CFAP61: variants seen among roughly 807,000 people sequenced by gnomAD.
CFAP61 encodes the protein cilia- and flagella-associated protein 61.
In CFAP61, 107 loss-of-function variants were observed where a neutral mutation model predicts 135.6. The observed-to-expected ratio is 0.79, with a 90% CI of 0.67 to 0.93. The LOEUF is 0.93. CFAP61 is among the 40% of genes least tolerant of loss of function. The pLI, the probability that CFAP61 is intolerant of heterozygous loss-of-function variation, is 0.00. For missense variants in CFAP61, 1,507 were observed against 1,556.2 expected, an observed-to-expected ratio of 0.97 and a Z score of 0.53; for synonymous variants, 575 against 578.5, an observed-to-expected ratio of 0.99 and a Z score of 0.09.
chr20:20,098,003 T>C (rs1047490299), intron 7 of CFAP61, among the ~76,000 whole-genome samples: 1 of 151,972 alleles, frequency 6.6e-6, no homozygotes, highest in African/African-American at 2.4e-5. Context: ...AGCGCCAGGC[T>C]TATGGTGGGG....
chr20:20,055,311 A>G (rs997960418), intron 1 of CFAP61, among the ~76,000 whole-genome samples: 15 of 152,166 alleles, frequency 9.9e-5, no homozygotes, highest in Non-Finnish European at 1.3e-4. Context: ...TGCCATACCC[A>G]CTTTAGTCTA....
chr20:20,147,555 A>G (rs991751357), intron 9 of CFAP61, among the ~76,000 whole-genome samples: 8 of 152,224 alleles, frequency 5.3e-5, no homozygotes, highest in East Asian at 3.9e-4. Flanking sequence ...AAAAATATCT[A>G]TTCATGCCCT....
chr20:20,062,603 A>G (rs1046268304), intron 2 of CFAP61, among the ~76,000 whole-genome samples: 1 of 152,180 alleles, frequency 6.6e-6, no homozygotes, highest in Non-Finnish European at 1.5e-5. Flanking sequence ...GAAAAAAAAA[A>G]TCTGACAAGA....
chr20:20,313,102 A>G (rs1291450749), intron 25 of CFAP61, among the ~76,000 whole-genome samples: 1 of 152,182 alleles, frequency 6.6e-6, no homozygotes, highest in African/African-American at 2.4e-5. Context: ...TACAGTCTTT[A>G]GAAGGTAATT....
At chr20:20,055,589 C>T (rs1568784409) in intron 1 of CFAP61, among the ~76,000 whole-genome samples, 1 of 152,144 alleles carries the variant, frequency 6.6e-6, no homozygotes, top group African/African-American at 2.4e-5. Flanking sequence ...TTTCTTTCTT[C>T]TTTTCTTGTT....
At chr20:20,323,895 CA>C (rs1379161221) in intron 25 of CFAP61, among the ~76,000 whole-genome samples, 1 of 152,136 alleles carries the variant, frequency 6.6e-6, no homozygotes, top group East Asian at 1.9e-4. Flanking sequence ...AGCTTCTCAG[CA>C]TATTCTGAAC....
chr20:20,233,698 G>T (rs2049346376), intron 18 of CFAP61, among the ~76,000 whole-genome samples: 1 of 152,166 alleles, frequency 6.6e-6, no homozygotes, highest in Admixed American at 6.5e-5. Context: ...TCACAATGGG[G>T]TTTCCTATTC....
At chr20:20,244,407 C>T (rs1370911956) in intron 18 of CFAP61, among the ~76,000 whole-genome samples, 1 of 152,238 alleles carries the variant, frequency 6.6e-6, no homozygotes, top group Non-Finnish European at 1.5e-5. Context: ...TTCTTGACTT[C>T]TGTGTACTCA....
rs749419361 is a variant in CFAP61, at chr20:20,360,391, C to T, written c.3695C>T (p.Ala1232Val). The change falls in exon 27 of 27, where the codon GCG becomes GTG. Residue 1232 changes from alanine to valine, a missense_variant. Transcript: ENST00000245957. ...AACCGCTACCACCTGCCCATGTACG[C>T]GTGGCCAGGCATCGTTTAGTTGTAG... ...HYNRYHLPMY[A>V]WPGIV 2.5e-6 allele frequency: 4 copies of T among 1,613,702 alleles called. No individual in the cohort carries two copies. The highest frequency in any genetic ancestry group is 1.6e-4 in the Middle Eastern group (1 of 6,078).
intron 2 of CFAP61, among the ~76,000 whole-genome samples, chr20:20,067,532 C>T (rs2146557845): frequency 6.6e-6 from 1 of 151,292 alleles, no homozygotes; most frequent in African/African-American, 2.4e-5. Flanking sequence ...GTCGCAGCTA[C>T]TCGGGAGGCT....
chr20:20,193,716 C>T (rs920416121), intron 15 of CFAP61, among the ~76,000 whole-genome samples: 1 of 152,070 alleles, frequency 6.6e-6, no homozygotes, highest in African/African-American at 2.4e-5. Context: ...CGGGTTCAAG[C>T]GATTCTCCTG....
At chr20:20,062,477 G>A (rs1182292700) in intron 2 of CFAP61, among the ~76,000 whole-genome samples, 2 of 151,886 alleles carry the variant, frequency 1.3e-5, no homozygotes, top group South Asian at 2.1e-4. Flanking sequence ...AAGAACAGTC[G>A]AATCAACTCA....
chr20:20,219,864 A>G (rs2048281216), intron 17 of CFAP61, among the ~76,000 whole-genome samples: 1 of 152,190 alleles, frequency 6.6e-6, no homozygotes, highest in Non-Finnish European at 1.5e-5. Flanking sequence ...CTCCTGAAAC[A>G]CTTGTACCTT....
intron 18 of CFAP61, among the ~76,000 whole-genome samples, chr20:20,243,715 G>T (rs1009650652): frequency 6.6e-6 from 1 of 152,060 alleles, no homozygotes; most frequent in Non-Finnish European, 1.5e-5. Context: ...GGGATTACAG[G>T]TATGAGCCAC....
chr20:20,269,327 C>G (rs1325030863), intron 21 of CFAP61, among the ~76,000 whole-genome samples: 2 of 149,482 alleles, frequency 1.3e-5, no homozygotes, highest in African/African-American at 4.9e-5. Context: ...AATATATAAA[C>G]TATAAAATGT....
chr20:20,106,317 A>G (rs2048404146), intron 8 of CFAP61, among the ~76,000 whole-genome samples: 1 of 152,096 alleles, frequency 6.6e-6, no homozygotes, highest in Non-Finnish European at 1.5e-5. Flanking sequence ...CCTGTTGTCA[A>G]TTCTCCATCT....
At chr20:20,326,726 C>G (rs1016175709) in intron 25 of CFAP61, among the ~76,000 whole-genome samples, 1 of 152,136 alleles carries the variant, frequency 6.6e-6, no homozygotes, top group Admixed American at 6.5e-5. Flanking sequence ...TGTTTCTGTA[C>G]TCTTCCATGC....
intron 22 of CFAP61, among the ~76,000 whole-genome samples, chr20:20,278,878 G>C (rs1470698731): frequency 6.6e-6 from 1 of 152,146 alleles, no homozygotes; most frequent in African/African-American, 2.4e-5. Flanking sequence ...TTGAACACCT[G>C]CTAGGTCCCA....
rs776585232 is a variant in CFAP61, at chr20:20,169,324, A to G, written c.1249A>G (p.Lys417Glu). The G allele has an allele frequency of 2.5e-6, 4 of 1,613,314 alleles. No homozygotes were observed. The highest frequency in any genetic ancestry group is 3.4e-6 in the Non-Finnish European group (4 of 1,179,638). ...MNFVFSLFSD[K>E]NFCVISLPHL... ...TCCTGGTTTTTGATGATGTTAGGAT[A>G]AGAACTTCTGTGTAATTTCTCTGCC... The change falls in exon 13 of 27, where the codon AAG becomes GAG. Residue 417 changes from lysine to glutamate, a missense_variant. Transcript: ENST00000245957.
Sources: allele counts gnomAD v4.1 joint callset (sites outside exome capture counted in the v4.1 genomes callset), GRCh38; gene constraint gnomAD v4.1.1; transcripts MANE v1.5; gene names NCBI Gene and HGNC (gene_info 2026-07-23, HGNC 2026-07-21).